Variants in TLN2 observed in about 807,000 individuals in gnomAD.
The protein encoded by TLN2 is talin-2.
In TLN2, 118 loss-of-function variants were observed where a neutral mutation model predicts 294.7. The ratio of observed to expected loss-of-function variants is 0.40; its 90% CI spans 0.34 to 0.47. TLN2 has a LOEUF of 0.47. Ranked by LOEUF, TLN2 falls within the 20% of genes least tolerant of loss-of-function variation. TLN2 has a pLI of 0.84. For missense variants in TLN2, 3,083 were observed against 3,282.2 expected (o/e 0.94, Z 1.48); for synonymous variants, 1,431 against 1,304.5 (o/e 1.10, Z -2.09).
chr15:62,588,428 G>T (rs1160744252), intron 1 of TLN2, among the ~76,000 whole-genome samples: 1 of 151,226 alleles, frequency 6.6e-6, no homozygotes, highest in Admixed American at 6.6e-5. Flanking sequence ...CTGAGGTCAG[G>T]AGTTCGAGAC....
chr15:62,411,429 A>ATATGTG (rs763302513), intron 1 of TLN2, among the ~76,000 whole-genome samples: 1 of 136,598 alleles, frequency 7.3e-6, no homozygotes, highest in Non-Finnish European at 1.6e-5. Flanking sequence ...TGAGTAATGG[A>ATATGTG]TGTGTGTGTG....
At chr15:62,517,109 G>A (rs781552659) in intron 1 of TLN2, among the ~76,000 whole-genome samples, 1 of 152,218 alleles carries the variant, frequency 6.6e-6, no homozygotes, top group Non-Finnish European at 1.5e-5. Flanking sequence ...TGGATGTTCT[G>A]AAGCCAAGGA....
At chr15:62,570,823 C>T (rs986895332) in intron 1 of TLN2, among the ~76,000 whole-genome samples, 1 of 152,014 alleles carries the variant, frequency 6.6e-6, no homozygotes, top group African/African-American at 2.4e-5. Context: ...TGGTTGAGAA[C>T]CACTGGCTAA....
chr15:62,520,945 G>C (rs1208155780), intron 1 of TLN2, among the ~76,000 whole-genome samples: 1 of 152,168 alleles, frequency 6.6e-6, no homozygotes, highest in Non-Finnish European at 1.5e-5. Flanking sequence ...AGGGTGAATG[G>C]TTAAATTAGA....
At chr15:62,483,468 T>C (rs1307755729) in intron 1 of TLN2, among the ~76,000 whole-genome samples, 1 of 152,210 alleles carries the variant, frequency 6.6e-6, no homozygotes, top group Non-Finnish European at 1.5e-5. Context: ...CTGTTTCCTT[T>C]AAAAATGATG....
chr15:62,792,825 G>C, intron 46 of TLN2, 38 bp downstream of exon 46: 1 of 1,610,068 alleles, frequency 6.2e-7, no homozygotes, highest in Non-Finnish European at 8.5e-7. Context: ...ACAAGAACCT[G>C]CGCTGGCTCT....
chr15:62,713,632 T>A (rs1387542502), intron 22 of TLN2, among the ~76,000 whole-genome samples: 1 of 152,018 alleles, frequency 6.6e-6, no homozygotes, highest in Non-Finnish European at 1.5e-5. Flanking sequence ...TGAGCTGAGA[T>A]CGTGCCATTG....
intron 1 of TLN2, among the ~76,000 whole-genome samples, chr15:62,520,244 G>T (rs2040392372): frequency 1.3e-5 from 2 of 152,176 alleles, no homozygotes; most frequent in African/African-American, 4.8e-5. Context: ...TGAACTAAGA[G>T]CTACGGAATG....
intron 1 of TLN2, among the ~76,000 whole-genome samples, chr15:62,448,168 A>G (rs2035925139): frequency 6.6e-6 from 1 of 152,112 alleles, no homozygotes; most frequent in East Asian, 1.9e-4. Context: ...CTTACATTAG[A>G]TTTCACTGGA....
intron 12 of TLN2, among the ~76,000 whole-genome samples, chr15:62,689,292 T>TC (rs2141051637): frequency 6.6e-6 from 1 of 152,224 alleles, no homozygotes; most frequent in South Asian, 2.1e-4. Flanking sequence ...ACCTACCCAC[T>TC]CCCCACACTT....
intron 1 of TLN2, among the ~76,000 whole-genome samples, chr15:62,469,631 G>C (rs1188837968): frequency 6.6e-6 from 1 of 152,154 alleles, no homozygotes. Context: ...CTCTTGTTCA[G>C]GCTGCTTGTG....
At chr15:62,490,931 A>G (rs2038670815) in intron 1 of TLN2, among the ~76,000 whole-genome samples, 1 of 152,126 alleles carries the variant, frequency 6.6e-6, no homozygotes, top group Non-Finnish European at 1.5e-5. Context: ...AAGGGTACAC[A>G]CCGTTGACAT....
At chr15:62,711,781 A>G (rs2059444473) in intron 21 of TLN2, 130 bp from the exon 22 acceptor site, 1 of 1,004,230 alleles carries the variant, frequency 1.0e-6, no homozygotes, top group Admixed American at 2.8e-5. Context: ...GCTTAGGACT[A>G]GAGCATGGAG....
chr15:62,504,872 G>GAGAGA (rs2039516191), intron 1 of TLN2, among the ~76,000 whole-genome samples: 1 of 141,452 alleles, frequency 7.1e-6, no homozygotes, highest in Non-Finnish European at 1.5e-5. Flanking sequence ...AGAGAGAGAG[G>GAGAGA]GAGACTCTGG....
At chr15:62,675,391 G>A in intron 11 of TLN2, 70 bp downstream of exon 11, 2 of 1,506,858 alleles carry the variant, frequency 1.3e-6, no homozygotes, top group African/African-American at 1.4e-5. Context: ...AGCGTTTGCT[G>A]TTAAGCCTGG....
rs539913200 is a variant in TLN2 at position 62,437,362 on chromosome 15, A to G, written c.-238+46677A>G. Among the ~76,000 whole-genome samples the G allele has an allele frequency of 1.3e-3, 194 of 151,944 alleles. No homozygotes were observed. The Middle Eastern group carries it at 0.014, about 11-fold the overall frequency. ...TTGGTGGTGGCTGCTGAGAGAGATC[A>G]TGAGGCCAGGTCAGCTAGCTGGGAC... On this transcript the variant is annotated intron_variant, in intron 1 of 58. Coordinates refer to ENST00000636159, the MANE Select transcript of TLN2 (RefSeq NM_015059.3).
intron 22 of TLN2, among the ~76,000 whole-genome samples, chr15:62,713,271 CA>C (rs541064329): frequency 1.8e-4 from 20 of 111,494 alleles, no homozygotes; most frequent in African/African-American, 3.5e-4. Flanking sequence ...ACCTGCGTCT[CA>C]AAAAAAAAAA....
rs151037867 is a variant in TLN2, at chr15:62,840,319, C to CCAAA, written c.7501-160_7501-157dup. Among the ~76,000 whole-genome samples the CCAAA allele has an allele frequency of 4.4e-3, 671 of 152,254 alleles. 3 individuals are homozygous for CCAAA. The highest frequency in any genetic ancestry group is 0.015 in the African/African-American group (642 of 41,520). On this transcript the variant is annotated intron_variant, in intron 58 of 58. Coordinates refer to ENST00000636159, the MANE Select transcript of TLN2 (RefSeq NM_015059.3). ...TCAGCTGGGTCATTAGTCTCAAAAC[C>CCAAA]CAAACAGTGACAGAGGCTGGTCGCC...
intron 1 of TLN2, among the ~76,000 whole-genome samples, chr15:62,575,269 G>T (rs114064078): frequency 6.6e-6 from 1 of 152,118 alleles, no homozygotes; most frequent in African/African-American, 2.4e-5. Context: ...GTAGTGAGCC[G>T]AGATTGTGCC....
Sources: gnomAD v4.1 joint callset for allele counts (sites outside exome capture counted in the v4.1 genomes callset) on GRCh38, gnomAD v4.1.1 for gene constraint, MANE v1.5 for transcripts, NCBI Gene and HGNC (gene_info 2026-07-23, HGNC 2026-07-21) for gene names.